TSC1: variants seen among roughly 807,000 people sequenced by gnomAD.
TSC1 encodes hamartin.
TSC1 carries 20 observed loss-of-function variants against 124.3 expected under a neutral mutation model. The observed-to-expected ratio is 0.16, with a 90% CI of 0.11 to 0.23. The LOEUF (loss-of-function observed/expected upper bound fraction) is 0.23, where lower values mean the gene tolerates loss of function less well. Among genes scored for constraint, TSC1 ranks in the 10% least tolerant of loss-of-function variants. TSC1 has a pLI of 1.00. For missense variants in TSC1, 1,124 were observed against 1,448.5 expected (o/e 0.78, Z 3.64); for synonymous variants, 493 against 539.1 (o/e 0.91, Z 1.19).
rs1168893486 is a variant in TSC1 at position 132,893,552 on chromosome 9, T to C, written c.*2683A>G. 2 of 233,118 alleles carry C rather than the reference T, an allele frequency of 8.6e-6. No individual in the cohort carries two copies. Among genetic ancestry groups the C allele is most frequent in the East Asian group, 1.2e-4 (2 of 16,584 alleles). The allele number at this position is 233,118 out of a possible 1,614,324, so 14.4% of individuals were successfully genotyped here. A position where few individuals can be genotyped will look rare whatever the true frequency, so the allele number is the denominator to read the frequency against. On this transcript the variant is annotated 3_prime_UTR_variant, in exon 23 of 23. Coordinates refer to ENST00000298552, the MANE Select transcript of TSC1 (RefSeq NM_000368.5). ...CCCCGCTAAAACTGTAGTGCACCTT[T>C]TTAAAGGAATTCCATGCTGCACAGC...
chr9:132,905,466 A>T, intron 15 of TSC1, 115 bp downstream of exon 15: 1 of 1,448,452 alleles, frequency 6.9e-7, no homozygotes, highest in South Asian at 1.2e-5. Flanking sequence ...ACAGCAGAGA[A>T]CCAGCTGCCT....
In TSC1 at chr9:132,897,372, T is replaced by C. The variant is rs118203738; in HGVS notation, c.2814-27A>G. ...TGAAAGATACAGACCAGCCAGAATA[T>C]AGGAAGTTCCACTTAATAAAAACAC... is the stretch of plus-strand genomic sequence containing the variant. On this transcript the variant is annotated intron_variant, in intron 21 of 22. Transcript: ENST00000298552. 2.4e-5 allele frequency: 38 copies of C among 1,614,176 alleles called. No homozygotes were observed. In the Admixed American group the frequency reaches 3.7e-4, roughly 16 times the overall value.
At chr9:132,937,200 T>C (rs1224798192) in intron 1 of TSC1, among the ~76,000 whole-genome samples, 1 of 152,160 alleles carries the variant, frequency 6.6e-6, no homozygotes, top group African/African-American at 2.4e-5. Context: ...TCCCAGCACT[T>C]TGGGAGGCCA....
Position 132,896,903 on chromosome 9 carries a change from T to C in TSC1, c.2976-149A>G. The C allele has an allele frequency of 7.4e-7, 1 of 1,351,662 alleles. No homozygotes were observed. Among genetic ancestry groups the C allele is most frequent in the African/African-American group, 1.4e-5 (1 of 69,948 alleles). The allele number at this position is 1,351,662 out of a possible 1,614,324, so 83.7% of individuals were successfully genotyped here. A position where few individuals can be genotyped will look rare whatever the true frequency, so the allele number is the denominator to read the frequency against. ...ATAATACTGGACTCAAGAGATCTCA[T>C]CAAGAGAAACCTAAATCACAACTAG... On this transcript the variant is annotated intron_variant, in intron 22 of 22. Transcript: ENST00000298552. The surrounding 1 kb of genome is among the most constrained non-coding windows in gnomAD (Gnocchi z 4.5).
chr9:132,924,576 T>C (rs2132213825), intron 5 of TSC1, among the ~76,000 whole-genome samples: 1 of 152,344 alleles, frequency 6.6e-6, no homozygotes, highest in South Asian at 2.1e-4. Flanking sequence ...AACTAAATGA[T>C]GTGCCTCAAA....
chr9:132,915,168 G>C (rs1846207944), intron 8 of TSC1, among the ~76,000 whole-genome samples: 1 of 151,660 alleles, frequency 6.6e-6, no homozygotes, highest in African/African-American at 2.4e-5. Context: ...CTGGGCAACA[G>C]AGCAAGACCC....
At chr9:132,931,248 G>A (rs1312274589) in intron 2 of TSC1, 1 of 152,162 alleles carries the variant, frequency 6.6e-6, no homozygotes, top group East Asian at 1.9e-4. Context: ...TGCCTTCTGT[G>A]TAGTCAGAAG....
Position 132,894,693 on chromosome 9 carries a change from TAAAAAAAA to T in TSC1, c.*1534_*1541del. 1 of 112,754 alleles carries T rather than the reference TAAAAAAAA, an allele frequency of 8.9e-6. No homozygotes were observed. Among genetic ancestry groups the T allele is most frequent in the Admixed American group, 1.2e-4 (1 of 8,456 alleles). 7.0% of individuals were successfully genotyped at this position (112,754 alleles called of 1,614,324 possible). On this transcript the variant is annotated 3_prime_UTR_variant, in exon 23 of 23. Transcript: ENST00000298552. ...GATGCTAGAATATTTATTGCCATGCTAAAAAAAAAAAAAAAAAAAAAAGACTTTCATTC... is the reference window on the plus strand; with the variant it reads ...GATGCTAGAATATTTATTGCCATGCTAAAAAAAAAAAAAAGACTTTCATTC...
chr9:132,900,816 G>A lies in TSC1; in HGVS notation c.2524C>T (p.Gln842Ter), dbSNP rs1447417010. ...SQKLSNSESV[Q>*]QQMEFLNRQL... Reference sequence around the variant, plus strand: ...CTGTTCAAGAACTCCATCTGCTGCTGGACCGACTCACTGTTTGAGAGCTAA... The same window carrying A: ...CTGTTCAAGAACTCCATCTGCTGCTAGACCGACTCACTGTTTGAGAGCTAA... The change falls in exon 20 of 23, where the codon CAG (glutamine) becomes TAG (stop). Residue 842 changes from glutamine (Q) to a stop codon, truncating the protein, a stop_gained. Transcript: ENST00000298552. LOFTEE classifies it high-confidence loss of function. The A allele has an allele frequency of 6.2e-7, 1 of 1,614,132 alleles. No individual in the cohort carries two copies. The highest frequency in any genetic ancestry group is 8.5e-7 in the Non-Finnish European group (1 of 1,180,010).
chr9:132,894,180 C>G lies in TSC1; in HGVS notation c.*2055G>C. On this transcript the variant is annotated 3_prime_UTR_variant, in exon 23 of 23. Coordinates refer to ENST00000298552, the MANE Select transcript of TSC1 (RefSeq NM_000368.5). ...CTAGCACAGGCCTCTCTCCATGCTG[C>G]CTCCTTTCTTCCCTTTATTTTTATA... 1 of 233,400 alleles carries G rather than the reference C, an allele frequency of 4.3e-6. No homozygotes were observed. Among genetic ancestry groups the G allele is most frequent in the Non-Finnish European group, 8.5e-6 (1 of 117,958 alleles). The allele number at this position is 233,400 out of a possible 1,614,324, so 14.5% of individuals were successfully genotyped here.
In TSC1 at chr9:132,906,915, A is replaced by T; in HGVS notation, c.1334-80T>A. The T allele has an allele frequency of 9.0e-7, 1 of 1,107,282 alleles. No individual in the cohort carries two copies. The highest frequency in any genetic ancestry group is 1.4e-6 in the Non-Finnish European group (1 of 730,614). The allele number at this position is 1,107,282 out of a possible 1,614,324, so 68.6% of individuals were successfully genotyped here. ...GTGTAAAACTGCTTACACTGTATAG[A>T]ATATGTCTGTAATAACTCTTCATGC... On this transcript the variant is annotated intron_variant, in intron 13 of 22. Coordinates refer to ENST00000298552, the MANE Select transcript of TSC1 (RefSeq NM_000368.5). This position sits in a 1 kb window ranked among gnomAD's most constrained non-coding sequence, Gnocchi z 4.1.
Position 132,912,460 on chromosome 9 carries a change from G to A in TSC1, c.738-3C>T, listed in dbSNP as rs2132007682. ...CATGAGTTTCTAATCTCTTCCACCT[G>A]TAAAATGCAATGAAAGTCAAGAAAT... On this transcript the variant is annotated splice_polypyrimidine_tract_variant and splice_region_variant and intron_variant, in intron 8 of 22. Coordinates refer to ENST00000298552, the MANE Select transcript of TSC1 (RefSeq NM_000368.5). 1 of 1,614,078 alleles carries A rather than the reference G, an allele frequency of 6.2e-7. No individual in the cohort carries two copies. Among genetic ancestry groups the A allele is most frequent in the Non-Finnish European group, 8.5e-7 (1 of 1,179,994 alleles).
At chr9:132,898,142 CT>C (rs1259022548) in intron 20 of TSC1, among the ~76,000 whole-genome samples, 1 of 152,204 alleles carries the variant, frequency 6.6e-6, no homozygotes, top group Non-Finnish European at 1.5e-5. Flanking sequence ...TTTTCTCCCC[CT>C]CCTGACAATA....
rs146578402 is a variant in TSC1, at chr9:132,905,805, C to T, written c.1773G>A (p.Pro591=). 6.9e-5 allele frequency: 111 copies of T among 1,614,096 alleles called. No homozygotes were observed. In the African/African-American group the frequency reaches 1.1e-3, roughly 16 times the overall value. Residue 591 remains proline, a synonymous_variant, in exon 15 of 23, where the codon CCG becomes CCA. Transcript: ENST00000298552. ...GCCCGCTTCCAAAGCCCACTCTCGT[C>T]GGAGGTGGAATTTTACAAGGACTGG... The part of the protein sequence containing the change: ...FTPSPCKIPP[P]TRVGFGSGQP...
chr9:132,901,725 G>C (rs1023148781), intron 18 of TSC1, 26 bp from the exon 19 acceptor site: 1 of 1,610,318 alleles, frequency 6.2e-7, no homozygotes, highest in Non-Finnish European at 8.5e-7. Flanking sequence ...TGGACATGAA[G>C]TTTGAGGAAC....
In TSC1 at chr9:132,906,331, A is replaced by G; in HGVS notation, c.1439-192T>C. On this transcript the variant is annotated intron_variant, in intron 14 of 22. Transcript: ENST00000298552. The surrounding 1 kb of genome is among the most constrained non-coding windows in gnomAD (Gnocchi z 4.1). ...GAGGCTGAGGAGGGAGGATCACTTG[A>G]GCCCAGGAGTTAGAGACCAGCCTGG... 1.5e-6 allele frequency: 1 copy of G among 682,424 alleles called. No individual in the cohort carries two copies. The highest frequency in any genetic ancestry group is 1.6e-5 in the South Asian group (1 of 61,072). 42.3% of individuals were successfully genotyped at this position (682,424 alleles called of 1,614,324 possible). A position where few individuals can be genotyped will look rare whatever the true frequency, so the allele number is the denominator to read the frequency against.
chr9:132,903,742 C>T lies in TSC1; in HGVS notation c.2117G>A (p.Arg706His), dbSNP rs1588304158. ...GAGGGCATGCTGCTGCCTCTTAAAACGCTCATAGAGTAACTGGTTGTGCAG... is the reference window on the plus strand; with the variant it reads ...GAGGGCATGCTGCTGCCTCTTAAAATGCTCATAGAGTAACTGGTTGTGCAG... ...LLLHNQLLYERFKRQQHALRN... is the reference protein window; with the variant it reads ...LLLHNQLLYEHFKRQQHALRN... Residue 706 changes from arginine (R) to histidine (H), a missense_variant, in exon 17 of 23, where the codon CGT becomes CAT. Transcript: ENST00000298552. The surrounding 1 kb of genome is among the most constrained non-coding windows in gnomAD (Gnocchi z 5.9). 3.1e-6 allele frequency: 5 copies of T among 1,613,652 alleles called. No individual in the cohort carries two copies. The highest frequency in any genetic ancestry group is 3.4e-6 in the Non-Finnish European group (4 of 1,180,020).
intron 8 of TSC1, among the ~76,000 whole-genome samples, chr9:132,914,795 G>C (rs565539527): frequency 6.6e-6 from 1 of 152,146 alleles, no homozygotes; most frequent in African/African-American, 2.4e-5. Context: ...CTTGAACCTG[G>C]AAGGCGGAGG....
chr9:132,903,917 T>C lies in TSC1; in HGVS notation c.2042-100A>G. On this transcript the variant is annotated intron_variant, in intron 16 of 22. Transcript: ENST00000298552. This position sits in a 1 kb window ranked among gnomAD's most constrained non-coding sequence, Gnocchi z 5.9. ...TGTTAGCTTAACAAACACAATTCTT[T>C]AAAAACAAATCACCACTCTCTTTGC... 7.1e-7 allele frequency: 1 copy of C among 1,413,902 alleles called. No individual in the cohort carries two copies. 87.6% of individuals were successfully genotyped at this position (1,413,902 alleles called of 1,614,324 possible).
Sources: gnomAD v4.1 joint callset for allele counts (sites outside exome capture counted in the v4.1 genomes callset) on GRCh38, gnomAD v4.1.1 for gene constraint, Gnocchi (gnomAD v3.1) non-coding constraint, MANE v1.5 for transcripts, NCBI Gene and HGNC (gene_info 2026-07-23, HGNC 2026-07-21) for gene names.